TGFBRAP1: variants seen among roughly 807,000 people sequenced by gnomAD.
The protein encoded by TGFBRAP1 is transforming growth factor-beta receptor-associated protein 1.
Under a neutral mutation model 83.2 loss-of-function variants are expected in TGFBRAP1, and 20 were observed. That is an observed-to-expected ratio of 0.24 (90% CI 0.17 to 0.35). The LOEUF (loss-of-function observed/expected upper bound fraction) is 0.35, where lower values mean the gene tolerates loss of function less well. Ranked by LOEUF, TGFBRAP1 falls within the 10% of genes least tolerant of loss-of-function variation. TGFBRAP1 has a pLI of 1.00. For synonymous variants in TGFBRAP1, 415 were observed against 459.8 expected, an observed-to-expected ratio of 0.90 and a Z score of 1.25; for missense variants, 950 against 1,099.4, an observed-to-expected ratio of 0.86 and a Z score of 1.92.
At chr2:105,261,789 G>A (rs1327103943), downstream of TGFBRAP1, among the ~76,000 whole-genome samples, 1 of 152,114 alleles carries the variant, frequency 6.6e-6, no homozygotes, top group Non-Finnish European at 1.5e-5. Context: ...GCAAGGCAGA[G>A]GCTGGAGGAA....
rs1471135829 is a variant in TGFBRAP1 at position 105,269,083 on chromosome 2, C to T, written c.2406+189G>A. 6.6e-6 allele frequency among the ~76,000 whole-genome samples: 1 copy of T among 152,218 alleles called. No individual in the cohort carries two copies. ...GGAGAAAAACTACACCGATGTTACA[C>T]CTACCAGCCCAGCCTCTGCCTCTGC... On this transcript the variant is annotated intron_variant, in intron 11 of 11. Coordinates refer to ENST00000393359, the MANE Select transcript of TGFBRAP1 (RefSeq NM_004257.6). The surrounding 1 kb of genome is among the most constrained non-coding windows in gnomAD (Gnocchi z 4.1).
chr2:105,285,176 G>A (rs1280206715), intron 4 of TGFBRAP1, among the ~76,000 whole-genome samples: 1 of 152,050 alleles, frequency 6.6e-6, no homozygotes, highest in Non-Finnish European at 1.5e-5. Context: ...GGCTCTAATC[G>A]CCTCATGAGT....
chr2:105,254,695 C>T, the TGFBRAP1 span, among the ~76,000 whole-genome samples: 1 of 151,948 alleles, frequency 6.6e-6, no homozygotes, highest in African/African-American at 2.4e-5. Flanking sequence ...GTTTCTGGCC[C>T]CTTCCTACTA....
chr2:105,329,224 C>T (rs898904393), intron 1 of TGFBRAP1, among the ~76,000 whole-genome samples: 1 of 152,050 alleles, frequency 6.6e-6, no homozygotes, highest in African/African-American at 2.4e-5. Context: ...CCTGGCCCTT[C>T]TCCCCGGAAA....
At chr2:105,312,010 T>C (rs1678711066) in intron 1 of TGFBRAP1, among the ~76,000 whole-genome samples, 1 of 152,130 alleles carries the variant, frequency 6.6e-6, no homozygotes, top group East Asian at 1.9e-4. Context: ...AAAATATGAA[T>C]CATAAAAAGA....
chr2:105,273,393 C>T (rs922600050), intron 9 of TGFBRAP1, 151 bp downstream of exon 9: 13 of 1,073,784 alleles, frequency 1.2e-5, no homozygotes, highest in East Asian at 5.2e-5. Context: ...GGTCTCTTTC[C>T]GCAAGCCTCA....
At chr2:105,277,816 G>A (rs1677399546) in intron 6 of TGFBRAP1, 145 bp from the exon 7 acceptor site, 4 of 790,260 alleles carry the variant, frequency 5.1e-6, no homozygotes, top group African/African-American at 3.4e-5. Flanking sequence ...CACTTTGGAA[G>A]GCCAAGGTGG....
In TGFBRAP1 at chr2:105,296,455, C is replaced by T. The variant is rs1678091709; in HGVS notation, c.939G>A (p.Leu313=). 6.2e-7 allele frequency: 1 copy of T among 1,613,916 alleles called. No individual in the cohort carries two copies. The highest frequency in any genetic ancestry group is 1.3e-5 in the African/African-American group (1 of 74,876). The change falls in exon 4 of 12, where the codon TTG becomes TTA. Residue 313 remains leucine (L), a synonymous_variant. Transcript: ENST00000393359. ...CTAGAAGATCCTGTATTTGTTTTTC[C>T]AAAGGTAATGGAACCAAGATGTAAA... The part of the protein sequence containing the change: ...KGVYILVPLP[L]EKQIQDLLAS...
chr2:105,294,744 A>G (rs538549264), intron 4 of TGFBRAP1, among the ~76,000 whole-genome samples: 3 of 152,332 alleles, frequency 2.0e-5, no homozygotes, highest in African/African-American at 7.2e-5. Flanking sequence ...TCTAATACTG[A>G]CTGTGTAGCT....
downstream of TGFBRAP1, among the ~76,000 whole-genome samples, chr2:105,263,209 C>T (rs1157168992): frequency 6.6e-6 from 1 of 152,198 alleles, no homozygotes; most frequent in Admixed American, 6.5e-5. Flanking sequence ...AGTCTAAAGG[C>T]CCCCTCTTAC....
At chr2:105,311,162 CAAA>C (rs375981592) in intron 1 of TGFBRAP1, among the ~76,000 whole-genome samples, 1 of 140,192 alleles carries the variant, frequency 7.1e-6, no homozygotes, top group Non-Finnish European at 1.5e-5. Context: ...AAAAAAAAAA[CAAA>C]AAACAAAAAA....
chr2:105,307,538 A>T (rs1558649103), intron 2 of TGFBRAP1, 76 bp downstream of exon 2: 1 of 1,447,156 alleles, frequency 6.9e-7, no homozygotes, highest in African/African-American at 1.4e-5. Flanking sequence ...CACAGCGCCA[A>T]TCTCACTCTC....
At chr2:105,293,835 G>A (rs1406459991) in intron 4 of TGFBRAP1, among the ~76,000 whole-genome samples, 1 of 152,156 alleles carries the variant, frequency 6.6e-6, no homozygotes, top group African/African-American at 2.4e-5. Flanking sequence ...GTATTAAAAG[G>A]GAAGAACCTA....
At chr2:105,260,983 T>G (rs1205499033), downstream of TGFBRAP1, among the ~76,000 whole-genome samples, 3 of 152,234 alleles carry the variant, frequency 2.0e-5, no homozygotes, top group African/African-American at 7.2e-5. Context: ...CATCATTATG[T>G]CTTGTAAACA....
rs188773074 is a variant in TGFBRAP1, at chr2:105,314,531, T to C, written c.-17-6213A>G. On this transcript the variant is annotated intron_variant, in intron 1 of 11. Coordinates refer to ENST00000393359, the MANE Select transcript of TGFBRAP1 (RefSeq NM_004257.6). ...TCCCAAAGTGCTGGGATTACAGGCG[T>C]GAGCCACCGCGCCCAGCCACCTGTA... Among the ~76,000 whole-genome samples, 1,111 of 151,852 alleles carry C rather than the reference T, an allele frequency of 7.3e-3. 14 individuals carry two copies. The highest frequency in any genetic ancestry group is 0.025 in the African/African-American group (1,043 of 41,434).
At chr2:105,307,159 C>T (rs1234669137) in intron 2 of TGFBRAP1, among the ~76,000 whole-genome samples, 3 of 151,600 alleles carry the variant, frequency 2.0e-5, no homozygotes, top group South Asian at 2.1e-4. Flanking sequence ...CATAAAAACC[C>T]GATGCAGAAC....
chr2:105,292,112 A>T (rs1427692304), intron 4 of TGFBRAP1, among the ~76,000 whole-genome samples: 1 of 152,210 alleles, frequency 6.6e-6, no homozygotes, highest in Admixed American at 6.5e-5. Flanking sequence ...CCATTGTGAA[A>T]TATCTACCAT....
chr2:105,290,349 G>T (rs2104357584), intron 4 of TGFBRAP1, among the ~76,000 whole-genome samples: 1 of 152,280 alleles, frequency 6.6e-6, no homozygotes, highest in African/African-American at 2.4e-5. Flanking sequence ...TTAGAGGCGT[G>T]AGTCGCTGCA....
chr2:105,278,081 T>C lies in TGFBRAP1; in HGVS notation c.1464-410A>G, dbSNP rs1011976848. ...CTCAAAAAATATATGTGTGTGTGTG[T>C]GTGTGTGTGTGTGTGTGTGTGTGTG... On this transcript the variant is annotated intron_variant, in intron 6 of 11. Transcript: ENST00000393359. Among the ~76,000 whole-genome samples the C allele has an allele frequency of 3.5e-3, 239 of 67,936 alleles. 3 individuals are homozygous for C. Among genetic ancestry groups the C allele is most frequent in the African/African-American group, 9.4e-3 (229 of 24,262 alleles). 44.6% of individuals were successfully genotyped at this position (67,936 alleles called of 152,430 possible).
Sources: gnomAD v4.1 joint callset for allele counts (sites outside exome capture counted in the v4.1 genomes callset) on GRCh38, gnomAD v4.1.1 for gene constraint, Gnocchi (gnomAD v3.1) non-coding constraint, MANE v1.5 for transcripts, NCBI Gene and HGNC (gene_info 2026-07-23, HGNC 2026-07-21) for gene names.